CPQ: variants seen among roughly 807,000 people sequenced by gnomAD.
The protein encoded by CPQ is Ser-Met dipeptidase.
CPQ carries 37 observed loss-of-function variants against 45.7 expected under a neutral mutation model. The observed-to-expected ratio is 0.81, with a 90% confidence interval of 0.62 to 1.07. The LOEUF is 1.07. CPQ is among the 50% of genes least tolerant of loss of function. The pLI is 0.00. For missense variants in CPQ, 537 were observed against 572.9 expected, an observed-to-expected ratio of 0.94 and a Z score of 0.64; for synonymous variants, 186 against 205.8, an observed-to-expected ratio of 0.90 and a Z score of 0.82.
chr8:97,138,925 A>C (rs1812107649), intron 7 of CPQ, among the ~76,000 whole-genome samples: 1 of 152,158 alleles, frequency 6.6e-6, no homozygotes, highest in Non-Finnish European at 1.5e-5. Context: ...GAAGGGAAAA[A>C]AATCAACCCA....
chr8:97,073,819 G>T (rs1045265403), intron 7 of CPQ, among the ~76,000 whole-genome samples: 1 of 152,176 alleles, frequency 6.6e-6, no homozygotes, highest in Non-Finnish European at 1.5e-5. Flanking sequence ...AATTATAGTA[G>T]GTGGTTACCT....
At position 96,718,505 on chromosome 8, in the gene CPQ, T is replaced by C. The variant is rs888340122; in HGVS notation, c.-34-66359T>C. ...GTCTCGCTGGCTTCAGGAGTGAAGC[T>C]GCAGACCTTCGTGGTGAGTGTTACA... On this transcript the variant is annotated intron_variant, in intron 1 of 7. Coordinates refer to ENST00000220763, the MANE Select transcript of CPQ (RefSeq NM_016134.4). Among the ~76,000 whole-genome samples, 6 of 152,268 alleles carry C rather than the reference T, an allele frequency of 3.9e-5. No homozygotes were observed. In the East Asian group the frequency reaches 9.7e-4, roughly 25 times the overall value.
intron 6 of CPQ, among the ~76,000 whole-genome samples, chr8:97,047,032 A>G (rs1168239232): frequency 1.3e-5 from 2 of 152,156 alleles, no homozygotes; most frequent in East Asian, 3.8e-4. Context: ...AAGAATTTTG[A>G]AAGGTCCCAT....
intron 2 of CPQ, among the ~76,000 whole-genome samples, chr8:96,828,351 A>G (rs1489380793): frequency 6.6e-6 from 1 of 151,976 alleles, no homozygotes; most frequent in Non-Finnish European, 1.5e-5. Context: ...TCACCCTGCA[A>G]ACGTGGCCAG....
chr8:97,068,496 G>GGT (rs1810679370), intron 7 of CPQ, among the ~76,000 whole-genome samples: 1 of 152,100 alleles, frequency 6.6e-6, no homozygotes, highest in Non-Finnish European at 1.5e-5. Context: ...AGCCGGATGT[G>GGT]GTGGTGCAAG....
intron 1 of CPQ, among the ~76,000 whole-genome samples, chr8:96,696,233 T>C (rs1044683935): frequency 3.3e-5 from 5 of 151,292 alleles, no homozygotes; most frequent in African/African-American, 1.2e-4. Flanking sequence ...TAGGTGGGAA[T>C]TGAACAATGA....
intron 5 of CPQ, among the ~76,000 whole-genome samples, chr8:96,997,131 C>T (rs1809192586): frequency 6.6e-6 from 1 of 151,866 alleles, no homozygotes; most frequent in South Asian, 2.1e-4. Context: ...CCAGAGATAC[C>T]TCAATTTTGA....
intron 5 of CPQ, among the ~76,000 whole-genome samples, chr8:96,978,930 A>C (rs538593010): frequency 6.6e-5 from 10 of 152,228 alleles, no homozygotes; most frequent in South Asian, 6.2e-4. Flanking sequence ...TGCCCACTTC[A>C]TGTCAGGCAA....
At chr8:96,747,240 G>A (rs983627084) in intron 1 of CPQ, among the ~76,000 whole-genome samples, 1 of 149,120 alleles carries the variant, frequency 6.7e-6, no homozygotes, top group Non-Finnish European at 1.5e-5. Flanking sequence ...GCAGTGAGCA[G>A]AGATCCTCTC....
intron 2 of CPQ, among the ~76,000 whole-genome samples, chr8:96,818,647 C>T (rs1811260638): frequency 6.6e-6 from 1 of 152,108 alleles, no homozygotes; most frequent in Non-Finnish European, 1.5e-5. Context: ...AATCTGAGCT[C>T]ATTGGCAACC....
intron 6 of CPQ, among the ~76,000 whole-genome samples, chr8:97,038,052 T>C (rs982598224): frequency 6.6e-6 from 1 of 152,250 alleles, no homozygotes; most frequent in Non-Finnish European, 1.5e-5. Flanking sequence ...AGACCTTGCC[T>C]ACCATTCTGA....
At chr8:96,900,677 T>C (rs1367474785) in intron 4 of CPQ, among the ~76,000 whole-genome samples, 1 of 152,132 alleles carries the variant, frequency 6.6e-6, no homozygotes, top group Non-Finnish European at 1.5e-5. Flanking sequence ...GACAATTTTA[T>C]ACTGTGAGCA....
chr8:96,724,649 A>T (rs1220324888), intron 1 of CPQ, among the ~76,000 whole-genome samples: 2 of 152,208 alleles, frequency 1.3e-5, no homozygotes, highest in Non-Finnish European at 2.9e-5. Flanking sequence ...ATGAATTGGA[A>T]GAATCAATAT....
At chr8:97,004,572 A>G (rs1156951625) in intron 5 of CPQ, among the ~76,000 whole-genome samples, 1 of 152,136 alleles carries the variant, frequency 6.6e-6, no homozygotes, top group Non-Finnish European at 1.5e-5. Context: ...AAAAATTCAA[A>G]TATCTGGAAA....
At chr8:96,727,640 A>G (rs1586375602) in intron 1 of CPQ, among the ~76,000 whole-genome samples, 2 of 151,924 alleles carry the variant, frequency 1.3e-5, no homozygotes, top group Non-Finnish European at 2.9e-5. Context: ...CAGATTCCGG[A>G]TTTTTTTTCT....
At chr8:96,921,019 A>G (rs1714371687) in intron 4 of CPQ, among the ~76,000 whole-genome samples, 2 of 152,200 alleles carry the variant, frequency 1.3e-5, no homozygotes, top group South Asian at 4.1e-4. Flanking sequence ...TAGCTTATAA[A>G]GCACTTATCA....
At position 96,792,272 on chromosome 8, in the gene CPQ, A is replaced by C. The variant is rs187405076; in HGVS notation, c.433+6942A>C. Reference sequence around the variant, plus strand: ...TCAGTCCTGAGATAACATAGCATACATCAGATTTGAATGGACCAAGTAAAA... The same window carrying C: ...TCAGTCCTGAGATAACATAGCATACCTCAGATTTGAATGGACCAAGTAAAA... On this transcript the variant is annotated intron_variant, in intron 2 of 7. Transcript: ENST00000220763. Among the ~76,000 whole-genome samples the C allele has an allele frequency of 9.8e-5, 15 of 152,334 alleles. No individual in the cohort carries two copies. In the East Asian group the frequency reaches 2.5e-3, roughly 26 times the overall value.
At chr8:96,744,766 C>G (rs1810152700) in intron 1 of CPQ, among the ~76,000 whole-genome samples, 1 of 152,136 alleles carries the variant, frequency 6.6e-6, no homozygotes, top group African/African-American at 2.4e-5. Context: ...TTAATCCAGT[C>G]TGACAATATT....
At chr8:96,829,415 C>T (rs903245854) in intron 2 of CPQ, among the ~76,000 whole-genome samples, 5 of 152,094 alleles carry the variant, frequency 3.3e-5, no homozygotes, top group African/African-American at 1.2e-4. Flanking sequence ...TAATTTTTTT[C>T]CCTGAAAATT....
Sources: gnomAD v4.1 joint callset for allele counts (sites outside exome capture counted in the v4.1 genomes callset) on GRCh38, gnomAD v4.1.1 for gene constraint, MANE v1.5 for transcripts, NCBI Gene and HGNC (gene_info 2026-07-23, HGNC 2026-07-21) for gene names.